NUMA1: variants seen among roughly 807,000 people sequenced by gnomAD.
The protein encoded by NUMA1 is SP-H antigen.
In NUMA1, 62 loss-of-function variants were observed where a neutral mutation model predicts 237.1. The ratio of observed to expected loss-of-function variants is 0.26; its 90% CI spans 0.21 to 0.32. The LOEUF is 0.32. Among genes scored for constraint, NUMA1 ranks in the 10% least tolerant of loss-of-function variants. NUMA1 has a pLI of 1.00. For synonymous variants in NUMA1, 1,028 were observed against 1,066.1 expected (o/e 0.96, Z 0.70); for missense variants, 2,533 against 2,666.5 (o/e 0.95, Z 1.10).
intron 14 of NUMA1, 31 bp downstream of exon 14, chr11:72,016,377 G>A (rs567161861): frequency 1.9e-5 from 31 of 1,610,702 alleles, no homozygotes; most frequent in African/African-American, 9.3e-5. Flanking sequence ...ACACCAACCA[G>A]CAGCACACAG....
At chr11:72,019,354 G>A in intron 9 of NUMA1, 140 bp downstream of exon 9, 1 of 1,133,160 alleles carries the variant, frequency 8.8e-7, no homozygotes, top group Non-Finnish European at 1.3e-6. Context: ...TTAATACTGG[G>A]TGAGGTGAGG....
At chr11:72,003,592 C>G (rs1955416776) in intron 26 of NUMA1, 54 bp from the exon 27 acceptor site, 2 of 1,605,254 alleles carry the variant, frequency 1.2e-6, no homozygotes, top group African/African-American at 1.3e-5. Flanking sequence ...CTAGCCTGCA[C>G]CCACTGGCTG....
rs576679570 is a variant in NUMA1, at chr11:72,070,637, G to A, written c.-102-726C>T. Among the ~76,000 whole-genome samples, 5 of 152,270 alleles carry A rather than the reference G, an allele frequency of 3.3e-5. No individual in the cohort carries two copies. In the South Asian group the frequency reaches 6.2e-4, roughly 19 times the overall value. On this transcript the variant is annotated intron_variant, in intron 1 of 26. Transcript: ENST00000393695. ...AACCTGGGCAACATAGTAAAACTCCGTCTCTACAAAAATACAAAAAATTAG... is the reference window on the plus strand; with the variant it reads ...AACCTGGGCAACATAGTAAAACTCCATCTCTACAAAAATACAAAAAATTAG...
chr11:72,071,703 A>G (rs2136284912), intron 1 of NUMA1, among the ~76,000 whole-genome samples: 1 of 152,344 alleles, frequency 6.6e-6, no homozygotes, highest in South Asian at 2.1e-4. Context: ...ATACTTGCTG[A>G]AATAGGGATT....
intron 2 of NUMA1, among the ~76,000 whole-genome samples, chr11:72,060,241 AAGTAT>A (rs758485668): frequency 6.6e-6 from 1 of 152,206 alleles, no homozygotes; most frequent in Non-Finnish European, 1.5e-5. Flanking sequence ...CCATTCATTT[AAGTAT>A]TGTCTATGGC....
intron 2 of NUMA1, among the ~76,000 whole-genome samples, chr11:72,044,494 A>G (rs1014105839): frequency 6.6e-6 from 1 of 151,730 alleles, no homozygotes; most frequent in Admixed American, 6.6e-5. Flanking sequence ...CCTTCTTCCC[A>G]TCAGTCTGCC....
chr11:72,060,836 C>G (rs1006205239), intron 2 of NUMA1, among the ~76,000 whole-genome samples: 5 of 152,032 alleles, frequency 3.3e-5, no homozygotes, highest in Admixed American at 6.6e-5. Flanking sequence ...TTTGGGAGGC[C>G]GAGGCGGGCG....
intron 2 of NUMA1, among the ~76,000 whole-genome samples, chr11:72,046,815 C>T (rs916673013): frequency 3.3e-5 from 5 of 151,690 alleles, no homozygotes; most frequent in Admixed American, 2.6e-4. Flanking sequence ...CAAAAATTAG[C>T]TGAGTGTGGT....
rs571266501 is a variant in NUMA1 at position 72,064,363 on chromosome 11, A to G, written c.-33+5479T>C. 2.6e-5 allele frequency among the ~76,000 whole-genome samples: 4 copies of G among 151,594 alleles called. No homozygotes were observed. In the South Asian group the frequency reaches 8.3e-4, roughly 32 times the overall value. On this transcript the variant is annotated intron_variant, in intron 2 of 26. Transcript: ENST00000393695. ...CTGTAGTTCAGCTACTTGGGAAGCT[A>G]AAGCGGGAAGATCACTTGAGCCCAG... is the stretch of plus-strand genomic sequence containing the variant.
At chr11:72,023,918 G>GT (rs1939229101) in intron 5 of NUMA1, among the ~76,000 whole-genome samples, 1 of 152,166 alleles carries the variant, frequency 6.6e-6, no homozygotes, top group Non-Finnish European at 1.5e-5. Context: ...GGGAAAAACA[G>GT]TTTTTCTTGC....
At chr11:72,028,796 G>A (rs1939918445) in intron 4 of NUMA1, among the ~76,000 whole-genome samples, 1 of 152,212 alleles carries the variant, frequency 6.6e-6, no homozygotes, top group Non-Finnish European at 1.5e-5. Context: ...TCAGATGTGA[G>A]AGCTTCCCCT....
chr11:72,075,744 G>A (rs1943676088), intron 1 of NUMA1, among the ~76,000 whole-genome samples: 1 of 152,144 alleles, frequency 6.6e-6, no homozygotes, highest in Non-Finnish European at 1.5e-5. Context: ...ACTCTATTGT[G>A]TGGTTTCTGT....
intron 2 of NUMA1, among the ~76,000 whole-genome samples, chr11:72,056,689 G>A (rs1942674047): frequency 8.1e-6 from 1 of 122,874 alleles, no homozygotes; most frequent in Non-Finnish European, 1.7e-5. Flanking sequence ...TCAAAACTCA[G>A]GAACACTAAG....
At chr11:72,027,625 C>T (rs1387194132) in intron 4 of NUMA1, among the ~76,000 whole-genome samples, 1 of 151,874 alleles carries the variant, frequency 6.6e-6, no homozygotes, top group African/African-American at 2.4e-5. Context: ...AGGAAATGAC[C>T]CCCTGATGAA....
intron 7 of NUMA1, 42 bp downstream of exon 7, chr11:72,022,297 T>A (rs761583155): frequency 1.5e-6 from 2 of 1,369,854 alleles, no homozygotes; most frequent in Non-Finnish European, 2.1e-6. Context: ...AGGTGAAGCA[T>A]GGGCTAGGCC....
Position 72,004,718 on chromosome 11 carries a change from G to A in NUMA1, c.5928C>T (p.Ala1976=), listed in dbSNP as rs367669125. 82 of 1,613,604 alleles carry A rather than the reference G, an allele frequency of 5.1e-5. No homozygotes were observed. Among genetic ancestry groups the A allele is most frequent in the Non-Finnish European group, 6.4e-5 (76 of 1,179,894 alleles). ...RRASMQPIQI[A]EGTGITTRQQ... ...GCCGGGTGGTGATGCCAGTGCCCTCGGCTATCTGGATTGGCTGCATGCTGG... is the reference window on the plus strand; with the variant it reads ...GCCGGGTGGTGATGCCAGTGCCCTCAGCTATCTGGATTGGCTGCATGCTGG... The change falls in exon 24 of 27, where the codon GCC becomes GCT. Residue 1976 remains alanine (A), a synonymous_variant. Coordinates refer to ENST00000393695, the MANE Select transcript of NUMA1 (RefSeq NM_006185.4).
At chr11:72,077,050 A>T (rs1398346631) in intron 1 of NUMA1, among the ~76,000 whole-genome samples, 1 of 152,224 alleles carries the variant, frequency 6.6e-6, no homozygotes, top group African/African-American at 2.4e-5. Context: ...GCTGAAGAGT[A>T]AACTAGTATA....
chr11:72,043,267 G>A (rs1591026031), intron 2 of NUMA1, among the ~76,000 whole-genome samples: 1 of 151,574 alleles, frequency 6.6e-6, no homozygotes, highest in Non-Finnish European at 1.5e-5. Context: ...TGAGAGGCCA[G>A]CCTGGGCAAC....
intron 2 of NUMA1, among the ~76,000 whole-genome samples, chr11:72,053,141 A>G (rs1055307695): frequency 6.6e-6 from 1 of 152,264 alleles, no homozygotes. Context: ...AAGCCACCAC[A>G]CCTGGCTATT....
Sources: gnomAD v4.1 joint callset for allele counts (sites outside exome capture counted in the v4.1 genomes callset) on GRCh38, gnomAD v4.1.1 for gene constraint, MANE v1.5 for transcripts, NCBI Gene and HGNC (gene_info 2026-07-23, HGNC 2026-07-21) for gene names.